Variants in CAMK2G observed in about 807,000 individuals in gnomAD.
The protein encoded by CAMK2G is calcium/calmodulin dependent protein kinase II gamma, also known as calcium/calmodulin-dependent protein kinase type II subunit gamma.
CAMK2G carries 23 observed loss-of-function variants against 88.7 expected under a neutral mutation model. The ratio of observed to expected loss-of-function variants is 0.26; its 90% CI spans 0.19 to 0.37. CAMK2G has a LOEUF of 0.37. CAMK2G is among the 10% of genes least tolerant of loss of function. CAMK2G has a pLI of 1.00. For missense variants in CAMK2G, 476 were observed against 780.8 expected, an observed-to-expected ratio of 0.61 and a Z score of 4.65; for synonymous variants, 263 against 294.8, an observed-to-expected ratio of 0.89 and a Z score of 1.11.
chr10:73,849,357 A>G (rs1192245510), intron 5 of CAMK2G, 24 bp from the exon 6 acceptor site: 1 of 1,579,698 alleles, frequency 6.3e-7, no homozygotes, highest in Non-Finnish European at 8.7e-7. Flanking sequence ...AGGAAAAGAA[A>G]TGTTAGCGCA....
At chr10:73,844,068 T>C (rs1188153171) in intron 10 of CAMK2G, among the ~76,000 whole-genome samples, 1 of 152,136 alleles carries the variant, frequency 6.6e-6, no homozygotes, top group Non-Finnish European at 1.5e-5. Context: ...CTATAGATTA[T>C]AGTTAAGCCT....
intron 21 of CAMK2G, chr10:73,816,367 G>C: frequency 7.0e-6 from 7 of 999,656 alleles, no homozygotes; most frequent in Non-Finnish European, 8.4e-6. Context: ...GAAACCTGCA[G>C]ACACAGAGCT....
At chr10:73,823,442 C>T (rs920045516) in intron 17 of CAMK2G, among the ~76,000 whole-genome samples, 7 of 152,166 alleles carry the variant, frequency 4.6e-5, no homozygotes, top group Non-Finnish European at 8.8e-5. Context: ...TCTCTAACTC[C>T]TGAGCTCAGG....
At chr10:73,817,203 C>A (rs917492995) in intron 20 of CAMK2G, 86 bp from the exon 21 acceptor site, 39 of 1,523,086 alleles carry the variant, frequency 2.6e-5, no homozygotes, top group Non-Finnish European at 3.4e-5. Flanking sequence ...TATCCAGTAG[C>A]AGCAGGCTAC....
At chr10:73,862,000 C>T (rs1052873006) in intron 2 of CAMK2G, among the ~76,000 whole-genome samples, 1 of 152,164 alleles carries the variant, frequency 6.6e-6, no homozygotes, top group Non-Finnish European at 1.5e-5. Context: ...TCTTGGCCAC[C>T]ATGGCTGTAA....
intron 16 of CAMK2G, among the ~76,000 whole-genome samples, chr10:73,824,396 G>A (rs2090209590): frequency 6.6e-6 from 1 of 152,190 alleles, no homozygotes; most frequent in Admixed American, 6.5e-5. Context: ...TCCACATGGG[G>A]TTCCCACGGG....
chr10:73,873,947 CG>C (rs1468132065), intron 1 of CAMK2G, among the ~76,000 whole-genome samples: 2 of 11,520 alleles, frequency 1.7e-4, no homozygotes, highest in Non-Finnish European at 3.6e-4. Flanking sequence ...CCGCGGGGGG[CG>C]GGGCCGGGCG....
chr10:73,813,805 T>G lies in CAMK2G; in HGVS notation c.*713A>C, dbSNP rs1405176385. On this transcript the variant is annotated 3_prime_UTR_variant, in exon 23 of 23. Coordinates refer to ENST00000423381, the MANE Select transcript of CAMK2G (RefSeq NM_001367534.1). The stretch of plus-strand genomic sequence containing the variant: ...GACTAACACGAGGTTTCTCATCGGC[T>G]TCATGGCGGGTACACTTCTGCAGCA... 2.6e-5 allele frequency: 4 copies of G among 152,726 alleles called. No homozygotes were observed. The highest frequency in any genetic ancestry group is 9.7e-5 in the African/African-American group (4 of 41,422). 9.5% of individuals were successfully genotyped at this position (152,726 alleles called of 1,614,324 possible).
chr10:73,818,760 T>C (rs1447100580), intron 19 of CAMK2G: 1 of 456,130 alleles, frequency 2.2e-6, no homozygotes, highest in South Asian at 1.5e-5. Context: ...ACACACACCC[T>C]CTCCAACCCC....
rs2135114266 is a variant in CAMK2G at position 73,852,252 on chromosome 10, A to C, written c.341+2T>G. 6.2e-7 allele frequency: 1 copy of C among 1,613,058 alleles called. No homozygotes were observed. The highest frequency in any genetic ancestry group is 8.5e-7 in the Non-Finnish European group (1 of 1,179,092). On this transcript the variant is annotated splice_donor_variant, in intron 5 of 22. Transcript: ENST00000423381. LOFTEE classifies it high-confidence loss of function. ...ATTTGAACTCTCGGGCCCTCATCCT[A>C]CCTGGCATCTGCTTCACTGTAGTAC...
chr10:73,817,880 T>C (rs917390469), intron 19 of CAMK2G: 21 of 368,598 alleles, frequency 5.7e-5, no homozygotes, highest in Non-Finnish European at 9.6e-5. Context: ...GTGAATGCTG[T>C]GAGCCCCTCC....
At chr10:73,816,940 C>T in intron 21 of CAMK2G, 83 bp downstream of exon 21, 1 of 1,612,948 alleles carries the variant, frequency 6.2e-7, no homozygotes, top group Non-Finnish European at 8.5e-7. Context: ...AAGTGGGCAA[C>T]TGGGATGAGA....
intron 1 of CAMK2G, 168 bp from the exon 2 acceptor site, chr10:73,873,251 G>A: frequency 9.3e-7 from 1 of 1,072,892 alleles, no homozygotes; most frequent in Non-Finnish European, 1.3e-6. Context: ...GAGGCAAAAG[G>A]ACGCGGCCAC....
At chr10:73,841,954 T>A (rs1368768958) in intron 12 of CAMK2G, 2 of 578,294 alleles carry the variant, frequency 3.5e-6, no homozygotes, top group South Asian at 2.0e-5. Context: ...CCTTGGGAAG[T>A]TCTAGGAAAC....
Position 73,820,663 on chromosome 10 carries a change from ATTTT to A in CAMK2G, c.1249+1015_1249+1018del, listed in dbSNP as rs1198716305. On this transcript the variant is annotated intron_variant, in intron 18 of 22. Transcript: ENST00000423381. The stretch of plus-strand genomic sequence containing the variant: ...AGGACCCCGCCACCACACCCGGCTA[ATTTT>A]TTTTTTTTTTTTTTTTTTTTTTGAG... 1.1e-3 allele frequency among the ~76,000 whole-genome samples: 51 copies of A among 46,126 alleles called. 1 individual carries two copies. Among genetic ancestry groups the A allele is most frequent in the South Asian group, 1.2e-3 (1 of 812 alleles). 30.3% of individuals were successfully genotyped at this position (46,126 alleles called of 152,430 possible).
At chr10:73,855,477 C>A (rs969707724) in intron 3 of CAMK2G, among the ~76,000 whole-genome samples, 5 of 152,156 alleles carry the variant, frequency 3.3e-5, no homozygotes, top group Admixed American at 2.6e-4. Context: ...CTCAGCTCTG[C>A]CTGGGCCTGG....
rs1275182472 is a variant in CAMK2G at position 73,848,473 on chromosome 10, C to T, written c.601+53G>A. On this transcript the variant is annotated intron_variant, in intron 8 of 22. Coordinates refer to ENST00000423381, the MANE Select transcript of CAMK2G (RefSeq NM_001367534.1). This position sits in a 1 kb window ranked among gnomAD's most constrained non-coding sequence, Gnocchi z 4.5. ...AGCGATGCCTCTTTCTTGCCATCAT[C>T]GGAAGTTGAGGGCCCTTAACAGCGA... is the stretch of plus-strand genomic sequence containing the variant. The T allele has an allele frequency of 8.8e-6, 10 of 1,132,186 alleles. No individual in the cohort carries two copies. Among genetic ancestry groups the T allele is most frequent in the African/African-American group, 6.1e-5 (4 of 65,630 alleles). 70.1% of individuals were successfully genotyped at this position (1,132,186 alleles called of 1,614,324 possible). A position where few individuals can be genotyped will look rare whatever the true frequency, so the allele number is the denominator to read the frequency against.
At position 73,828,098 on chromosome 10, in the gene CAMK2G, C is replaced by G; in HGVS notation, c.1077G>C (p.Val359=). The G allele has an allele frequency of 1.2e-6, 2 of 1,613,594 alleles. No individual in the cohort carries two copies. Among genetic ancestry groups the G allele is most frequent in the Non-Finnish European group, 1.7e-6 (2 of 1,179,504 alleles). ...GGCAGGCAAGGCTCACCATTAGGTG[C>G]ACGCTGGAACTCGACTTCCTTTTCT... ...GVKKRKSSSS[V]HLMPQSNNKN... is the part of the protein sequence containing the mutation. Residue 359 remains valine (V), a synonymous_variant, in exon 15 of 23, where the codon GTG becomes GTC. Transcript: ENST00000423381.
In CAMK2G at chr10:73,821,679, T is replaced by C; in HGVS notation, c.1249+3A>G. On this transcript the variant is annotated splice_donor_region_variant and intron_variant, in intron 18 of 22. Coordinates refer to ENST00000423381, the MANE Select transcript of CAMK2G (RefSeq NM_001367534.1). ...CCTTCCCCCTCCAAGGGCCAGCACC[T>C]ACCTTTGAGGTCCTCATCTTCTGTG... The C allele has an allele frequency of 6.2e-7, 1 of 1,609,600 alleles. No homozygotes were observed. The highest frequency in any genetic ancestry group is 8.5e-7 in the Non-Finnish European group (1 of 1,177,770).
Sources: allele counts gnomAD v4.1 joint callset (sites outside exome capture counted in the v4.1 genomes callset), GRCh38; gene constraint gnomAD v4.1.1; non-coding constraint Gnocchi (gnomAD v3.1); transcripts MANE v1.5; gene names NCBI Gene and HGNC (gene_info 2026-07-23, HGNC 2026-07-21).